PRDM6: variants seen among roughly 807,000 people sequenced by gnomAD.
PRDM6 encodes the protein PR/SET domain 6.
Under a neutral mutation model 60.8 loss-of-function variants are expected in PRDM6, and 25 were observed. The observed-to-expected ratio is 0.41, with a 90% CI of 0.30 to 0.57. The LOEUF is 0.57. Ranked by LOEUF, PRDM6 falls within the 20% of genes least tolerant of loss-of-function variation. The pLI is 0.27. For missense variants in PRDM6, 839 were observed against 821.3 expected, an observed-to-expected ratio of 1.02 and a Z score of -0.26; for synonymous variants, 407 against 357.4, an observed-to-expected ratio of 1.14 and a Z score of -1.57.
At chr5:123,121,847 T>A (rs1764587172) in intron 3 of PRDM6, among the ~76,000 whole-genome samples, 1 of 151,074 alleles carries the variant, frequency 6.6e-6, no homozygotes, top group Admixed American at 6.6e-5. Context: ...GTTGGGGAGT[T>A]TTTTAGTTTT....
At chr5:123,114,075 G>A (rs1764376328) in intron 3 of PRDM6, among the ~76,000 whole-genome samples, 1 of 152,284 alleles carries the variant, frequency 6.6e-6, no homozygotes, top group Admixed American at 6.5e-5. Flanking sequence ...GGTGCACAGA[G>A]GAGGCAGAGG....
intron 3 of PRDM6, among the ~76,000 whole-genome samples, chr5:123,112,149 G>C (rs1312298049): frequency 1.3e-5 from 2 of 151,362 alleles, no homozygotes; most frequent in Admixed American, 1.3e-4. Context: ...TAAGTAATCA[G>C]GGTGTACTTC....
intron 3 of PRDM6, among the ~76,000 whole-genome samples, chr5:123,112,633 C>T (rs1343314537): frequency 6.6e-6 from 1 of 152,176 alleles, no homozygotes; most frequent in African/African-American, 2.4e-5. Flanking sequence ...TGAACATCTC[C>T]ATCTGAAAGT....
At chr5:123,136,247 T>C (rs1474654069) in intron 3 of PRDM6, among the ~76,000 whole-genome samples, 1 of 152,248 alleles carries the variant, frequency 6.6e-6, no homozygotes, top group South Asian at 2.1e-4. Flanking sequence ...TTTAAGACTA[T>C]GATCATATGA....
intron 3 of PRDM6, among the ~76,000 whole-genome samples, chr5:123,117,565 A>G (rs1764484591): frequency 6.6e-6 from 1 of 152,208 alleles, no homozygotes; most frequent in Admixed American, 6.5e-5. Flanking sequence ...GGACTAGATA[A>G]CCAGCAGGAA....
intron 3 of PRDM6, among the ~76,000 whole-genome samples, chr5:123,152,985 C>T (rs1765403148): frequency 6.6e-6 from 1 of 152,052 alleles, no homozygotes; most frequent in Non-Finnish European, 1.5e-5. Context: ...ATTAGGTCTC[C>T]CTTTTTCTTA....
intron 3 of PRDM6, among the ~76,000 whole-genome samples, chr5:123,139,105 C>T (rs405985): frequency 0.31 from 46,494 of 152,012 alleles, 7,556 homozygotes; most frequent in Middle Eastern, 0.37. Context: ...TTGCCTTCTG[C>T]CATGATTCTA....
In PRDM6 at chr5:123,099,865, C is replaced by T. The variant is rs1422228696; in HGVS notation, c.804C>T (p.Ile268=). Residue 268 remains isoleucine (I), a synonymous_variant, in exon 3 of 8, where the codon ATC becomes ATT. Transcript: ENST00000407847. This position sits in a 1 kb window ranked among gnomAD's most constrained non-coding sequence, Gnocchi z 4.0. ...LAYGICAAQR[I]QQGTWIGPFQ... Reference sequence around the variant, plus strand: ...ACGGCATCTGCGCGGCGCAGAGGATCCAGCAAGGCACCTGGATTGGACCTT... The same window carrying T: ...ACGGCATCTGCGCGGCGCAGAGGATTCAGCAAGGCACCTGGATTGGACCTT... The T allele has an allele frequency of 2.6e-6, 4 of 1,550,518 alleles. No homozygotes were observed. The highest frequency in any genetic ancestry group is 1.2e-5 in the South Asian group (1 of 83,860).
At chr5:123,176,138 CT>C (rs1766002674) in intron 6 of PRDM6, among the ~76,000 whole-genome samples, 1 of 152,038 alleles carries the variant, frequency 6.6e-6, no homozygotes, top group Admixed American at 6.5e-5. Flanking sequence ...TAAAATAGTA[CT>C]TCAGTTTCTC....
intron 6 of PRDM6, among the ~76,000 whole-genome samples, chr5:123,175,685 C>G (rs1402962093): frequency 6.6e-6 from 1 of 152,194 alleles, no homozygotes; most frequent in Non-Finnish European, 1.5e-5. Context: ...CTTGGGCTGG[C>G]TGATGTTGAA....
At chr5:123,144,209 A>G (rs931249024) in intron 3 of PRDM6, among the ~76,000 whole-genome samples, 9 of 152,184 alleles carry the variant, frequency 5.9e-5, no homozygotes, top group Admixed American at 1.3e-4. Context: ...GTGCTCCTGT[A>G]CTAGGACAGC....
chr5:123,183,431 G>A (rs1255883369), intron 7 of PRDM6, among the ~76,000 whole-genome samples: 1 of 152,194 alleles, frequency 6.6e-6, no homozygotes, highest in Admixed American at 6.5e-5. Flanking sequence ...AAAGAAGGCT[G>A]CAGAAGATTT....
chr5:123,093,889 C>T (rs1763898984), intron 2 of PRDM6, among the ~76,000 whole-genome samples: 1 of 151,128 alleles, frequency 6.6e-6, no homozygotes, highest in Non-Finnish European at 1.5e-5. Context: ...TTCCCTAGGA[C>T]CTGGGAGGGA....
In PRDM6 at chr5:123,142,389, G is replaced by A. The variant is rs1282191704; in HGVS notation, c.901-13495G>A. On this transcript the variant is annotated intron_variant, in intron 3 of 7. Coordinates refer to ENST00000407847, the MANE Select transcript of PRDM6 (RefSeq NM_001136239.4). ...TGCCAGAGTAAGAAGTAGAACATAG[G>A]ATTCCTCATCTGTAGCTCATCTAGC... Among the ~76,000 whole-genome samples the A allele has an allele frequency of 2.0e-5, 3 of 152,140 alleles. 1 individual carries two copies. Among genetic ancestry groups the A allele is most frequent in the South Asian group, 4.1e-4 (2 of 4,830 alleles).
In PRDM6 at chr5:123,099,661, C is replaced by T. The variant is rs957440223; in HGVS notation, c.600C>T (p.Asp200=). ...CCTTCTTGTCTCCCGCAGGTTGCGA[C>T]ATGTGCGCGGACAACCGCAACGGCG... ...QHTSDPNNRC[D]MCADNRNGEC... is the part of the protein sequence containing the mutation. The change falls in exon 3 of 8, where the codon GAC becomes GAT. Residue 200 remains aspartate (D), a synonymous_variant. Coordinates refer to ENST00000407847, the MANE Select transcript of PRDM6 (RefSeq NM_001136239.4). This position sits in a 1 kb window ranked among gnomAD's most constrained non-coding sequence, Gnocchi z 4.0. 7 of 1,458,796 alleles carry T rather than the reference C, an allele frequency of 4.8e-6. No individual in the cohort carries two copies. The highest frequency in any genetic ancestry group is 6.4e-6 in the Non-Finnish European group (7 of 1,101,940). The allele number at this position is 1,458,796 out of a possible 1,614,324, so 90.4% of individuals were successfully genotyped here.
At chr5:123,138,395 T>C (rs1026005482) in intron 3 of PRDM6, among the ~76,000 whole-genome samples, 3 of 152,360 alleles carry the variant, frequency 2.0e-5, no homozygotes, top group Middle Eastern at 3.4e-3. Flanking sequence ...TCTAATCACA[T>C]GCATATGAGC....
chr5:123,116,934 T>C (rs1215269675), intron 3 of PRDM6, among the ~76,000 whole-genome samples: 1 of 152,198 alleles, frequency 6.6e-6, no homozygotes, highest in Non-Finnish European at 1.5e-5. Flanking sequence ...CCATAATAAC[T>C]CTGTCTCCCA....
chr5:123,122,633 T>C (rs1381751057), intron 3 of PRDM6, among the ~76,000 whole-genome samples: 1 of 152,120 alleles, frequency 6.6e-6, no homozygotes, highest in African/African-American at 2.4e-5. Context: ...TTCATTGCAA[T>C]TTTTTTATTA....
intron 2 of PRDM6, 116 bp downstream of exon 2, chr5:123,090,722 G>C: frequency 3.5e-6 from 1 of 286,620 alleles, no homozygotes; most frequent in South Asian, 2.7e-5. Flanking sequence ...GGGTGGGTGG[G>C]GAGCACCTGG....
Sources: gnomAD v4.1 joint callset for allele counts (sites outside exome capture counted in the v4.1 genomes callset) on GRCh38, gnomAD v4.1.1 for gene constraint, Gnocchi (gnomAD v3.1) non-coding constraint, MANE v1.5 for transcripts, NCBI Gene and HGNC (gene_info 2026-07-23, HGNC 2026-07-21) for gene names.